The following CDH23 variants were observed in gnomAD, a reference collection of about 807,000 sequenced individuals.
The protein encoded by CDH23 is cadherin-23.
A neutral mutation model predicts 317.1 loss-of-function variants in CDH23; 189 were observed. The ratio of observed to expected loss-of-function variants is 0.60; its 90% confidence interval spans 0.53 to 0.67. The LOEUF (loss-of-function observed/expected upper bound fraction) is 0.67. CDH23 is among the 30% of genes least tolerant of loss of function. CDH23 has a pLI of 0.00. For missense variants in CDH23, 4,401 were observed against 4,592.4 expected (o/e 0.96, Z 1.20); for synonymous variants, 1,839 against 1,876.8 (o/e 0.98, Z 0.52).
intron 53 of CDH23, 134 bp from the exon 54 acceptor site, chr10:71,802,764 A>C (rs1435143399): frequency 4.4e-6 from 4 of 904,358 alleles, no homozygotes; most frequent in Non-Finnish European, 6.9e-6. Context: ...AGACTCCAAC[A>C]CATTAGAAGA....
intron 6 of CDH23, among the ~76,000 whole-genome samples, chr10:71,552,186 G>A (rs1002132222): frequency 6.6e-6 from 1 of 152,218 alleles, no homozygotes; most frequent in Non-Finnish European, 1.5e-5. Flanking sequence ...GAAAACTGAG[G>A]CTCAGAGAGC....
intron 38 of CDH23, among the ~76,000 whole-genome samples, chr10:71,765,703 C>A (rs1840523762): frequency 6.6e-6 from 1 of 152,098 alleles, no homozygotes; most frequent in Non-Finnish European, 1.5e-5. Context: ...GGGGGCATTG[C>A]TCAATCCCCC....
chr10:71,463,149 A>G (rs1851088632), intron 3 of CDH23, among the ~76,000 whole-genome samples: 1 of 152,242 alleles, frequency 6.6e-6, no homozygotes. Flanking sequence ...CTCCCAAAAT[A>G]TAAATATCTG....
At chr10:71,714,496 A>C (rs1866124299) in intron 28 of CDH23, 1 of 152,230 alleles carries the variant, frequency 6.6e-6, no homozygotes, top group African/African-American at 2.4e-5. Context: ...GAGAGGTAGG[A>C]GACAGTAGGG....
intron 1 of CDH23, among the ~76,000 whole-genome samples, chr10:71,423,895 C>T (rs1031141546): frequency 6.6e-6 from 1 of 152,240 alleles, no homozygotes; most frequent in Non-Finnish European, 1.5e-5. Flanking sequence ...GCCCTGCCTG[C>T]TCTCACAGAA....
At position 71,738,489 on chromosome 10, in the gene CDH23, C is replaced by T. The variant is rs111832225; in HGVS notation, c.4210-9C>T. On this transcript the variant is annotated splice_polypyrimidine_tract_variant and intron_variant, in intron 34 of 69. Transcript: ENST00000224721. ...GAGGCTGTAGGTCTCTGACCACGTT[C>T]ACCCTCAGGTCTACATCACTGTGCT... 1 of 1,613,930 alleles carries T rather than the reference C, an allele frequency of 6.2e-7. No individual in the cohort carries two copies. Among genetic ancestry groups the T allele is most frequent in the Non-Finnish European group, 8.5e-7 (1 of 1,179,886 alleles).
chr10:71,544,891 A>G (rs932824155), intron 6 of CDH23, among the ~76,000 whole-genome samples: 2 of 152,208 alleles, frequency 1.3e-5, no homozygotes, highest in African/African-American at 4.8e-5. Flanking sequence ...TTAGAGAGTC[A>G]TTTTATGGCT....
Position 71,790,368 on chromosome 10 carries a change from C to A in CDH23, c.6004C>A (p.Leu2002Met). Reference sequence around the variant, plus strand: ...CATCTACGCCGTGGTGACCTACCAGCTGCTGGGTGCCCAGAGTGGCCTCTT... The same window carrying A: ...CATCTACGCCGTGGTGACCTACCAGATGCTGGGTGCCCAGAGTGGCCTCTT... ...QDIYAVVTYQ[L>M]LGAQSGLFDI... is the part of the protein sequence containing the mutation. The change falls in exon 46 of 70, where the codon CTG becomes ATG. Residue 2002 changes from leucine to methionine, a missense_variant. Leu to Met is a conservative substitution (Grantham distance 15). Coordinates refer to ENST00000224721, the MANE Select transcript of CDH23 (RefSeq NM_022124.6). 1 of 1,613,756 alleles carries A rather than the reference C, an allele frequency of 6.2e-7. No homozygotes were observed. Among genetic ancestry groups the A allele is most frequent in the Non-Finnish European group, 8.5e-7 (1 of 1,179,860 alleles).
intron 8 of CDH23, among the ~76,000 whole-genome samples, chr10:71,575,793 C>T (rs1858149502): frequency 6.6e-6 from 1 of 152,270 alleles, no homozygotes; most frequent in Non-Finnish European, 1.5e-5. Flanking sequence ...AATATAATCA[C>T]TGAGCCTCTG....
chr10:71,670,317 C>T (rs1390042486), intron 14 of CDH23, among the ~76,000 whole-genome samples: 4 of 152,236 alleles, frequency 2.6e-5, no homozygotes, highest in East Asian at 1.9e-4. Flanking sequence ...CAGTGGAAAT[C>T]ACACATTCTA....
intron 3 of CDH23, among the ~76,000 whole-genome samples, chr10:71,484,615 G>A (rs1852245781): frequency 6.6e-6 from 1 of 152,186 alleles, no homozygotes; most frequent in South Asian, 2.1e-4. Context: ...ATCTCCTGGT[G>A]GTGACCTTGG....
intron 9 of CDH23, among the ~76,000 whole-genome samples, chr10:71,579,254 C>T (rs919142004): frequency 6.6e-6 from 1 of 152,126 alleles, no homozygotes; most frequent in Non-Finnish European, 1.5e-5. Context: ...CATGGGCTCC[C>T]TGGGACCCGC....
chr10:71,665,561 G>A (rs745611867), intron 14 of CDH23, among the ~76,000 whole-genome samples: 16 of 152,228 alleles, frequency 1.1e-4, no homozygotes, highest in African/African-American at 3.1e-4. Context: ...GGCTGCAGCC[G>A]CTTGGCCTGT....
Position 71,455,100 on chromosome 10 carries a change from C to T in CDH23, c.145+8705C>T, listed in dbSNP as rs148961752. 4.7e-4 allele frequency among the ~76,000 whole-genome samples: 71 copies of T among 152,216 alleles called. No individual in the cohort carries two copies. The East Asian group carries it at 0.013, about 28-fold the overall frequency. ...TAAGCAATCCTCCTGCCTTGGCCTC[C>T]CAAAGCACTGAGATTACAGGCATGA... is the stretch of plus-strand genomic sequence containing the variant. On this transcript the variant is annotated intron_variant, in intron 3 of 69. Transcript: ENST00000224721.
Position 71,566,771 on chromosome 10 carries a change from C to G in CDH23, c.459C>G (p.Ile153Met). 1 of 1,609,370 alleles carries G rather than the reference C, an allele frequency of 6.2e-7. No individual in the cohort carries two copies. The highest frequency in any genetic ancestry group is 2.2e-5 in the East Asian group (1 of 44,766). ...CACCAGTGGGGACGCCCATCTTCAT[C>G]GTGAATGCCACAGACCCCGACTTGG... ...ENTPVGTPIF[I>M]VNATDPDLGA... The change falls in exon 7 of 70, where the codon ATC becomes ATG. Residue 153 changes from isoleucine (I) to methionine (M), a missense_variant. Transcript: ENST00000224721.
chr10:71,682,671 G>A (rs1864704629), intron 18 of CDH23, 99 bp downstream of exon 18: 1 of 1,457,678 alleles, frequency 6.9e-7, no homozygotes, highest in Non-Finnish European at 9.4e-7. Flanking sequence ...CCACCTCCTT[G>A]GCTGTCCCTG....
At chr10:71,509,879 C>T in intron 3 of CDH23, 2 of 597,880 alleles carry the variant, frequency 3.3e-6, no homozygotes, top group South Asian at 2.0e-5. Flanking sequence ...CATCATGACA[C>T]ACTGTGACAA....
At chr10:71,673,003 C>T (rs1311904812) in intron 14 of CDH23, among the ~76,000 whole-genome samples, 1 of 152,134 alleles carries the variant, frequency 6.6e-6, no homozygotes, top group Non-Finnish European at 1.5e-5. Flanking sequence ...GCTGTCTCTC[C>T]TCTACTTCCC....
chr10:71,454,575 C>T (rs772851719), intron 3 of CDH23, among the ~76,000 whole-genome samples: 19 of 152,138 alleles, frequency 1.2e-4, no homozygotes, highest in Non-Finnish European at 1.6e-4. Flanking sequence ...ACTCATGGCA[C>T]GGGCAGCAGT....
Sources: allele counts gnomAD v4.1 joint callset (sites outside exome capture counted in the v4.1 genomes callset), GRCh38; gene constraint gnomAD v4.1.1; transcripts MANE v1.5; gene names NCBI Gene and HGNC (gene_info 2026-07-23, HGNC 2026-07-21).